TPSG1: variants seen among roughly 807,000 people sequenced by gnomAD.
The protein encoded by TPSG1 is tryptase gamma.
TPSG1 carries 43 observed loss-of-function variants against 23.8 expected under a neutral mutation model. The ratio of observed to expected loss-of-function variants is 1.81; its 90% CI spans 1.42 to 2.33. The LOEUF (loss-of-function observed/expected upper bound fraction) is 2.33, where lower values mean the gene tolerates loss of function less well. Ranked by LOEUF, TPSG1 falls within the 30% of genes most tolerant of loss-of-function variation. The pLI, the probability that TPSG1 is intolerant of heterozygous loss-of-function variation, is 0.00. For synonymous variants in TPSG1, 302 were observed against 201.3 expected, an observed-to-expected ratio of 1.50 and a Z score of -4.23; for missense variants, 623 against 438.6, an observed-to-expected ratio of 1.42 and a Z score of -3.75.
In TPSG1 at chr16:1,221,891, A is replaced by T. The variant is rs1216266114; in HGVS notation, c.863T>A (p.Phe288Tyr). Residue 288 changes from phenylalanine to tyrosine, a missense_variant, in exon 6 of 6, where the codon TTC becomes TAC. By Grantham distance (22) the Phe-to-Tyr change is conservative. Transcript: ENST00000234798. ...CAGAAGGAAGAGGCCGGGGAGGAAG[A>T]AGCCAGCCAGGAGGGGGAGCCTGGG... The part of the protein sequence containing the change: ...GYPRLPLLAG[F>Y]FLPGLFLLLV... 1.2e-6 allele frequency: 2 copies of T among 1,611,450 alleles called. No homozygotes were observed. The highest frequency in any genetic ancestry group is 8.5e-7 in the Non-Finnish European group (1 of 1,179,294).
At chr16:1,224,728 G>C (rs879655437) in intron 1 of TPSG1, 100 bp from the exon 2 acceptor site, 1 of 1,506,002 alleles carries the variant, frequency 6.6e-7, no homozygotes, top group Non-Finnish European at 9.2e-7. Flanking sequence ...GCACTGGGGT[G>C]GGGCCTGGTC....
At chr16:1,224,305 G>C (rs1162806851) in intron 2 of TPSG1, among the ~76,000 whole-genome samples, 2 of 152,148 alleles carry the variant, frequency 1.3e-5, no homozygotes, top group African/African-American at 2.4e-5. Flanking sequence ...CCCCCAGCTG[G>C]TTCCAGGGCC....
At chr16:1,222,366 G>A in intron 4 of TPSG1, 25 bp from the exon 5 acceptor site, 1 of 1,560,380 alleles carries the variant, frequency 6.4e-7, no homozygotes, top group Non-Finnish European at 8.7e-7. Context: ...ACAGGCTTCA[G>A]AGAAGGTTGG....
At position 1,225,248 on chromosome 16, in the gene TPSG1, G is replaced by A; in HGVS notation, c.5C>T (p.Ala2Val). M[A>V]LGACGLLLLL... ...CAGCAGGAGGCCACAGGCCCCAAGG[G>A]CCATGGTGTCTGCCCACTGTAGGGA... Residue 2 changes from alanine to valine, a missense_variant, in exon 1 of 6, where the codon GCC (alanine) becomes GTC (valine). Ala to Val is a moderately conservative substitution (Grantham distance 64). Coordinates refer to ENST00000234798, the MANE Select transcript of TPSG1 (RefSeq NM_012467.4). The A allele has an allele frequency of 6.4e-7, 1 of 1,573,300 alleles. No individual in the cohort carries two copies. Among genetic ancestry groups the A allele is most frequent in the Non-Finnish European group, 8.6e-7 (1 of 1,159,526 alleles).
chr16:1,221,721 G>A lies in TPSG1; in HGVS notation c.*67C>T, dbSNP rs1596484096. ...TGATGCAGAAGACTCAGCTTCTCAA[G>A]GGAGAGGGAGGGGGCGGAGCGGAAT... On this transcript the variant is annotated 3_prime_UTR_variant, in exon 6 of 6. Transcript: ENST00000234798. The A allele has an allele frequency of 1.4e-6, 2 of 1,424,378 alleles. No individual in the cohort carries two copies. The highest frequency in any genetic ancestry group is 1.4e-5 in the African/African-American group (1 of 70,434). The allele number at this position is 1,424,378 out of a possible 1,614,324, so 88.2% of individuals were successfully genotyped here. A position where few individuals can be genotyped will look rare whatever the true frequency, so the allele number is the denominator to read the frequency against.
At chr16:1,223,391 T>TTGAGA in intron 3 of TPSG1, 32 bp downstream of exon 3, 1 of 1,550,530 alleles carries the variant, frequency 6.4e-7, no homozygotes, top group Non-Finnish European at 8.7e-7. Flanking sequence ...GGCCTGGACA[T>TTGAGA]TGAGACTGCC....
In TPSG1 at chr16:1,222,995, C is replaced by G. The variant is rs183143287; in HGVS notation, c.246-78G>C. On this transcript the variant is annotated intron_variant, in intron 3 of 5. Transcript: ENST00000234798. ...AGTGTCGGCCCCGCCCAGACCCTAC[C>G]CTTGCAGGCATCCGAAGCCCAGCTC... The G allele has an allele frequency of 1.1e-4, 159 of 1,456,424 alleles. No individual in the cohort carries two copies. In the African/African-American group the frequency reaches 1.4e-3, roughly 13 times the overall value. 90.2% of individuals were successfully genotyped at this position (1,456,424 alleles called of 1,614,324 possible).
In TPSG1 at chr16:1,222,672, C is replaced by T. The variant is rs757708197; in HGVS notation, c.491G>A (p.Trp164Ter). The T allele has an allele frequency of 2.5e-6, 4 of 1,573,806 alleles. No homozygotes were observed. Among genetic ancestry groups the T allele is most frequent in the Non-Finnish European group, 3.5e-6 (4 of 1,153,816 alleles). Reference protein sequence around the residue: ...CPGIRCWVTGWGYTREGEPLP... With the variant: ...CPGIRCWVTG ...CTCACCTCCCTCCCGCGTATAGCCC[C>T]AGCCGGTCACCCAGCACCGGATCCC... Residue 164 changes from tryptophan (W) to a stop codon, truncating the protein, a stop_gained, in exon 4 of 6, where the codon TGG becomes TAG. Transcript: ENST00000234798. LOFTEE classifies it high-confidence loss of function.
intron 2 of TPSG1, chr16:1,224,287 C>T (rs544546605): frequency 6.3e-4 from 212 of 336,086 alleles, no homozygotes; most frequent in African/African-American, 3.4e-3. Flanking sequence ...CTCTCCCACA[C>T]GGCAAAGCCC....
chr16:1,224,853 T>C (rs138118686), intron 1 of TPSG1: 16 of 620,390 alleles, frequency 2.6e-5, no homozygotes, highest in Non-Finnish European at 2.9e-6. Context: ...GAGCTTGGCC[T>C]CAGGCCTGGG....
In TPSG1 at chr16:1,222,902, G is replaced by A. The variant is rs757499850; in HGVS notation, c.261C>T (p.Ser87=). The part of the protein sequence containing the change: ...AHCFSGSLNS[S]DYQVHLGELE... ...GTTCCCCCAGGTGCACCTGGTAGTC[G>A]GATGAGTTCAGGGACCTGGGAGGGA... The change falls in exon 4 of 6, where the codon TCC becomes TCT. Residue 87 remains serine (S), a synonymous_variant. Coordinates refer to ENST00000234798, the MANE Select transcript of TPSG1 (RefSeq NM_012467.4). 41 of 1,606,900 alleles carry A rather than the reference G, an allele frequency of 2.6e-5. No individual in the cohort carries two copies. In the East Asian group the frequency reaches 5.1e-4, roughly 20 times the overall value.
At chr16:1,224,787 C>G (rs1292418664) in intron 1 of TPSG1, 159 bp from the exon 2 acceptor site, 5 of 854,796 alleles carry the variant, frequency 5.8e-6, no homozygotes, top group African/African-American at 5.1e-5. Flanking sequence ...TGCTGTCTCA[C>G]TGGCCCAGGG....
In TPSG1 at chr16:1,222,342, C is replaced by G. The variant is rs751477193; in HGVS notation, c.512-1G>C. 12 of 1,588,340 alleles carry G rather than the reference C, an allele frequency of 7.6e-6. No individual in the cohort carries two copies. The highest frequency in any genetic ancestry group is 4.1e-5 in the African/African-American group (3 of 74,066). Reference sequence around the variant, plus strand: ...AGGCTGTACGGGGGTGGCAGAGGCTCTGGGGTGGGGGGAACAGGCTTCAGA... The same window carrying G: ...AGGCTGTACGGGGGTGGCAGAGGCTGTGGGGTGGGGGGAACAGGCTTCAGA... On this transcript the variant is annotated splice_acceptor_variant, in intron 4 of 5. Coordinates refer to ENST00000234798, the MANE Select transcript of TPSG1 (RefSeq NM_012467.4). LOFTEE classifies it high-confidence loss of function.
chr16:1,224,000 G>A (rs769769834), intron 2 of TPSG1: 20 of 252,100 alleles, frequency 7.9e-5, no homozygotes, highest in Non-Finnish European at 1.4e-4. Context: ...GATAAAATTC[G>A]GGGGGCGGGG....
chr16:1,222,518 C>G, intron 4 of TPSG1, 134 bp downstream of exon 4: 1 of 1,344,220 alleles, frequency 7.4e-7, no homozygotes, highest in Non-Finnish European at 1.0e-6. Context: ...TGAAAAGGGA[C>G]AGCCGATAGG....
Position 1,222,019 on chromosome 16 carries a change from G to A in TPSG1, c.735C>T (p.Gly245=). The change falls in exon 6 of 6, where the codon GGC becomes GGT. Residue 245 remains glycine, a synonymous_variant. Transcript: ENST00000234798. ...CTCCCGGCCTGTTGGGGCGGCCGCA[G>A]CCCTCACCCCAGCTCACAGTGCCAG... ...VQAGTVSWGE[G]CGRPNRPGVY... 6.2e-7 allele frequency: 1 copy of A among 1,612,530 alleles called. No homozygotes were observed. The highest frequency in any genetic ancestry group is 8.5e-7 in the Non-Finnish European group (1 of 1,179,914).
chr16:1,222,676 C>A lies in TPSG1; in HGVS notation c.487G>T (p.Gly163Cys), dbSNP rs137977482. 2 of 1,576,496 alleles carry A rather than the reference C, an allele frequency of 1.3e-6. No homozygotes were observed. Among genetic ancestry groups the A allele is most frequent in the Non-Finnish European group, 1.7e-6 (2 of 1,155,202 alleles). The part of the protein sequence containing the change: ...FCPGIRCWVT[G>C]WGYTREGEPL... ...CCTCCCTCCCGCGTATAGCCCCAGC[C>A]GGTCACCCAGCACCGGATCCCAGGG... The change falls in exon 4 of 6, where the codon GGC (glycine) becomes TGC (cysteine). Residue 163 changes from glycine (G) to cysteine (C), a missense_variant. Transcript: ENST00000234798.
In TPSG1 at chr16:1,223,480, CA is replaced by C; in HGVS notation, c.187del (p.Cys63AlafsTer22). 6.3e-7 allele frequency: 1 copy of C among 1,584,882 alleles called. No homozygotes were observed. The highest frequency in any genetic ancestry group is 8.6e-7 in the Non-Finnish European group (1 of 1,168,220). ...ASLRLRRVHV[C>X]GGSLLSPQWV... is the part of the protein sequence containing the mutation. ...CTGGGGGCTGAGCAGTGACCCGCCG[CA>C]CACGTGCACCCTCCGCAGGCGGAGG... On this transcript the variant is annotated frameshift_variant, in exon 3 of 6. Transcript: ENST00000234798. LOFTEE classifies it high-confidence loss of function.
chr16:1,224,883 G>A (rs1269876734), intron 1 of TPSG1: 10 of 599,862 alleles, frequency 1.7e-5, no homozygotes, highest in Non-Finnish European at 3.0e-5. Flanking sequence ...CGCCCTCCAG[G>A]TCCTGCTCAG....
Sources: allele counts gnomAD v4.1 joint callset (sites outside exome capture counted in the v4.1 genomes callset), GRCh38; gene constraint gnomAD v4.1.1; transcripts MANE v1.5; gene names NCBI Gene and HGNC (gene_info 2026-07-23, HGNC 2026-07-21).